Variants in PDE8B observed in about 807,000 individuals in gnomAD.
PDE8B encodes high affinity cAMP-specific and IBMX-insensitive 3',5'-cyclic phosphodiesterase 8B.
A neutral mutation model predicts 101.3 loss-of-function variants in PDE8B; 26 were observed. The ratio of observed to expected loss-of-function variants is 0.26; its 90% CI spans 0.19 to 0.36. The LOEUF is 0.36. Among genes scored for constraint, PDE8B ranks in the 10% least tolerant of loss-of-function variants. PDE8B has a pLI of 1.00. For missense variants in PDE8B, 810 were observed against 1,163.1 expected, an observed-to-expected ratio of 0.70 and a Z score of 4.42; for synonymous variants, 424 against 429.3, an observed-to-expected ratio of 0.99 and a Z score of 0.15.
intron 1 of PDE8B, chr5:77,290,416 C>T (rs974259079): frequency 7.1e-7 from 1 of 1,417,544 alleles, no homozygotes; most frequent in Non-Finnish European, 1.0e-6. Flanking sequence ...TAGCCAATAG[C>T]AAGAGTCCGA....
chr5:77,289,355 T>C (rs151307947), intron 1 of PDE8B, among the ~76,000 whole-genome samples: 298 of 152,390 alleles, frequency 2.0e-3, no homozygotes, highest in African/African-American at 6.7e-3. Context: ...GCACATGGTA[T>C]ATATTTATAG....
At chr5:77,159,893 T>C in the PDE8B span, among the ~76,000 whole-genome samples, 1 of 152,232 alleles carries the variant, frequency 6.6e-6, no homozygotes, top group East Asian at 1.9e-4. Flanking sequence ...TTGGGGTCTT[T>C]CAGTGCTAGA....
At chr5:77,158,884 T>G in the PDE8B span, among the ~76,000 whole-genome samples, 1 of 152,158 alleles carries the variant, frequency 6.6e-6, no homozygotes, top group Non-Finnish European at 1.5e-5. Context: ...AGACTCAACA[T>G]CAAGTGTACT....
chr5:77,095,230 CGTT>C, the PDE8B span, among the ~76,000 whole-genome samples: 3 of 152,040 alleles, frequency 2.0e-5, no homozygotes, highest in African/African-American at 7.3e-5. Context: ...CAGATGTCAT[CGTT>C]GTTTGGCCCC....
chr5:77,228,242 A>G (rs940903327), intron 1 of PDE8B, among the ~76,000 whole-genome samples: 5 of 152,174 alleles, frequency 3.3e-5, no homozygotes, highest in Admixed American at 2.0e-4. Flanking sequence ...AGCATATTTC[A>G]TCAAAGCCAG....
At chr5:77,419,680 TTGTGAGG>T (rs1796233234) in intron 18 of PDE8B, 80 bp from the exon 19 acceptor site, 1 of 1,466,960 alleles carries the variant, frequency 6.8e-7, no homozygotes, top group Non-Finnish European at 9.5e-7. Context: ...TCCTCCTAGG[TTGTGAGG>T]AGTGTAGTGA....
the PDE8B span, among the ~76,000 whole-genome samples, chr5:77,204,253 A>AT: frequency 6.6e-6 from 1 of 151,786 alleles, no homozygotes; most frequent in Non-Finnish European, 1.5e-5. Context: ...TACTAAAAAT[A>AT]TAAAAAAATT....
intron 5 of PDE8B, among the ~76,000 whole-genome samples, chr5:77,332,426 A>G (rs1263346781): frequency 6.6e-6 from 1 of 152,222 alleles, no homozygotes; most frequent in East Asian, 1.9e-4. Flanking sequence ...TAAACTATAA[A>G]CATCATGAAT....
the PDE8B span, chr5:77,114,108 C>T: frequency 6.6e-6 from 1 of 152,144 alleles, no homozygotes; most frequent in Non-Finnish European, 1.5e-5. Context: ...TGTGGTGATT[C>T]CTTAAGGATC....
intron 2 of PDE8B, among the ~76,000 whole-genome samples, chr5:77,324,058 T>C (rs1487270031): frequency 6.6e-6 from 1 of 152,202 alleles, no homozygotes; most frequent in African/African-American, 2.4e-5. Context: ...ACGTTTGGTG[T>C]TTCACCATGA....
chr5:77,159,103 C>A, the PDE8B span, among the ~76,000 whole-genome samples: 2 of 152,204 alleles, frequency 1.3e-5, no homozygotes, highest in Non-Finnish European at 2.9e-5. Context: ...GACTATGTCG[C>A]CCTCTACCAT....
chr5:77,090,302 C>T, the PDE8B span, among the ~76,000 whole-genome samples: 1 of 152,028 alleles, frequency 6.6e-6, no homozygotes, highest in Non-Finnish European at 1.5e-5. Flanking sequence ...TGCAGTGGCA[C>T]GATCTCGGCT....
chr5:77,205,434 T>C, the PDE8B span, among the ~76,000 whole-genome samples: 1 of 152,222 alleles, frequency 6.6e-6, no homozygotes, highest in East Asian at 1.9e-4. Flanking sequence ...TCTTTGTCTC[T>C]CTTTCTTTTT....
At chr5:77,259,554 C>G (rs532672150) in intron 1 of PDE8B, among the ~76,000 whole-genome samples, 74 of 152,274 alleles carry the variant, frequency 4.9e-4, no homozygotes, top group African/African-American at 1.7e-3. Flanking sequence ...ACATTGCTCC[C>G]TTGGGTAAGT....
chr5:77,211,304 G>T lies in PDE8B; in HGVS notation c.339+40G>T. Reference sequence around the variant, plus strand: ...CTGGCACACGCCGTGGGGGCCGTCCGCCCCGTCGGCGGGGCTCGCACGGGT... The same window carrying T: ...CTGGCACACGCCGTGGGGGCCGTCCTCCCCGTCGGCGGGGCTCGCACGGGT... On this transcript the variant is annotated intron_variant, in intron 1 of 21. Coordinates refer to ENST00000264917, the MANE Select transcript of PDE8B (RefSeq NM_003719.5). The surrounding 1 kb of genome is among the most constrained non-coding windows in gnomAD (Gnocchi z 4.1). 6.6e-7 allele frequency: 1 copy of T among 1,513,910 alleles called. No homozygotes were observed. Among genetic ancestry groups the T allele is most frequent in the Non-Finnish European group, 8.8e-7 (1 of 1,136,832 alleles). The allele number at this position is 1,513,910 out of a possible 1,614,324, so 93.8% of individuals were successfully genotyped here.
chr5:77,246,671 G>A (rs1757014819), intron 1 of PDE8B: 1 of 152,206 alleles, frequency 6.6e-6, no homozygotes, highest in African/African-American at 2.4e-5. Context: ...GAATAGTTGT[G>A]ACAGAGACCA....
chr5:77,392,027 A>G (rs187126781), intron 10 of PDE8B, among the ~76,000 whole-genome samples: 41 of 152,308 alleles, frequency 2.7e-4, no homozygotes, highest in Admixed American at 1.8e-3. Context: ...GAAACATGGG[A>G]AATAAAAATG....
At chr5:77,324,291 A>G (rs1181198226) in intron 2 of PDE8B, among the ~76,000 whole-genome samples, 1 of 151,980 alleles carries the variant, frequency 6.6e-6, no homozygotes, top group Non-Finnish European at 1.5e-5. Context: ...ACAGGTAGTT[A>G]TTTTTTCATT....
intron 10 of PDE8B, among the ~76,000 whole-genome samples, chr5:77,391,987 G>A (rs1355051789): frequency 6.6e-6 from 1 of 152,180 alleles, no homozygotes; most frequent in East Asian, 1.9e-4. Flanking sequence ...TAGCTGTATA[G>A]CAAATGGTCT....
Sources: gnomAD v4.1 joint callset for allele counts (sites outside exome capture counted in the v4.1 genomes callset) on GRCh38, gnomAD v4.1.1 for gene constraint, Gnocchi (gnomAD v3.1) non-coding constraint, MANE v1.5 for transcripts, NCBI Gene and HGNC (gene_info 2026-07-23, HGNC 2026-07-21) for gene names.